Variants in MAP4 observed in about 807,000 individuals in gnomAD.
MAP4 encodes the protein microtubule-associated protein 4.
MAP4 carries 76 observed loss-of-function variants against 170.2 expected under a neutral mutation model. That is an observed-to-expected ratio of 0.45 (90% confidence interval 0.37 to 0.54). MAP4 has a LOEUF of 0.54. Among genes scored for constraint, MAP4 ranks in the 20% least tolerant of loss-of-function variants. The probability of loss-of-function intolerance (pLI) is 0.00; values close to 1 mark genes in which losing one functional copy is unlikely to be tolerated. For missense variants in MAP4, 2,506 were observed against 2,748.0 expected (o/e 0.91, Z 1.97); for synonymous variants, 909 against 994.5 (o/e 0.91, Z 1.62).
At chr3:47,973,751 A>T (rs979013425) in intron 3 of MAP4, 3 of 985,446 alleles carry the variant, frequency 3.0e-6, no homozygotes, top group Non-Finnish European at 3.6e-6. Flanking sequence ...CATGATTTTT[A>T]AAAATAACTA....
In MAP4 at chr3:47,909,857, G is replaced by A; in HGVS notation, c.4564C>T (p.His1522Tyr). The A allele has an allele frequency of 6.2e-7, 1 of 1,614,022 alleles. No homozygotes were observed. Among genetic ancestry groups the A allele is most frequent in the African/African-American group, 1.3e-5 (1 of 75,060 alleles). Residue 1522 changes from histidine (H) to tyrosine (Y), a missense_variant, in exon 9 of 21, where the codon CAT becomes TAT. Physicochemically the swap from His to Tyr is moderately conservative, Grantham distance 83. Transcript: ENST00000683076. ...TTATTCTTAAGAGAGTGATCTCCAT[G>A]AATGTTAACTGTTTCTATGGCTGTT... ...ITTAIETVNI[H>Y]GDHSLKNKAE...
intron 10 of MAP4, among the ~76,000 whole-genome samples, chr3:47,898,220 T>C (rs1254240536): frequency 6.6e-6 from 1 of 151,822 alleles, no homozygotes; most frequent in African/African-American, 2.4e-5. Context: ...TTCATTACAC[T>C]AGGCTGGGCA....
At chr3:48,011,801 C>T (rs2100105409) in intron 1 of MAP4, among the ~76,000 whole-genome samples, 1 of 152,102 alleles carries the variant, frequency 6.6e-6, no homozygotes, top group African/African-American at 2.4e-5. Context: ...TTTTACTATT[C>T]GGTTATGCCA....
At position 47,852,728 on chromosome 3, in the gene MAP4, C is replaced by T. The variant is rs376401972; in HGVS notation, c.*206G>A. On this transcript the variant is annotated 3_prime_UTR_variant, in exon 21 of 21. Transcript: ENST00000683076. ...GGCAGGGCTGCTGCTGCCCCGGGCA[C>T]GCAAAGCAGGAGGGAAGGCGAGCCT... 2,740 of 1,522,932 alleles carry T rather than the reference C, an allele frequency of 1.8e-3. 68 individuals carry two copies. The South Asian group carries it at 0.031, about 17-fold the overall frequency. The allele number at this position is 1,522,932 out of a possible 1,614,324, so 94.3% of individuals were successfully genotyped here. A position where few individuals can be genotyped will look rare whatever the true frequency, so the allele number is the denominator to read the frequency against.
chr3:47,939,516 T>C (rs898142647), intron 3 of MAP4, among the ~76,000 whole-genome samples: 4 of 152,190 alleles, frequency 2.6e-5, no homozygotes, highest in Admixed American at 1.3e-4. Flanking sequence ...ATTCACATTA[T>C]ACACCAAACT....
chr3:47,942,111 A>T (rs1411953681), intron 3 of MAP4, among the ~76,000 whole-genome samples: 2 of 152,102 alleles, frequency 1.3e-5, no homozygotes, highest in African/African-American at 4.8e-5. Flanking sequence ...CCCTCTCCCC[A>T]TTCCCTGCAG....
chr3:47,878,153 A>C (rs559649567), intron 10 of MAP4, among the ~76,000 whole-genome samples: 24 of 152,240 alleles, frequency 1.6e-4, no homozygotes, highest in Non-Finnish European at 3.2e-4. Context: ...ACTATACCTG[A>C]GAGCATTAAA....
In MAP4 at chr3:47,855,448, A is replaced by T; in HGVS notation, c.6584-88T>A. 1.2e-6 allele frequency: 1 copy of T among 811,696 alleles called. No homozygotes were observed. The highest frequency in any genetic ancestry group is 2.4e-5 in the East Asian group (1 of 41,224). 50.3% of individuals were successfully genotyped at this position (811,696 alleles called of 1,614,324 possible). A position where few individuals can be genotyped will look rare whatever the true frequency, so the allele number is the denominator to read the frequency against. Reference sequence around the variant, plus strand: ...GGACTAGCGATATGCCCAATCTAGAAATGAGACAGACGTGACCTGTTCTGG... The same window carrying T: ...GGACTAGCGATATGCCCAATCTAGATATGAGACAGACGTGACCTGTTCTGG... On this transcript the variant is annotated intron_variant, in intron 18 of 20. Transcript: ENST00000683076. The surrounding 1 kb of genome is among the most constrained non-coding windows in gnomAD (Gnocchi z 5.1).
Position 48,070,147 on chromosome 3 carries a change from CT to C in MAP4, c.-20+18625del, listed in dbSNP as rs552576386. ...ACCATGGCTAGATAATTTTTTTTAA[CT>C]TTTTTTTTTTCAGAGATGGGGTCTT... On this transcript the variant is annotated intron_variant, in intron 1 of 18. Coordinates refer to the MAP4 transcript ENST00000360240. Among the ~76,000 whole-genome samples the C allele has an allele frequency of 2.5e-3, 366 of 146,754 alleles. 4 individuals carry two copies. In the Middle Eastern group the frequency reaches 0.038, roughly 15 times the overall value.
At chr3:47,973,742 A>C (rs1184912071) in intron 3 of MAP4, 1 of 985,360 alleles carries the variant, frequency 1.0e-6, no homozygotes, top group South Asian at 4.7e-5. Flanking sequence ...GATGTCAAAC[A>C]TGATTTTTAA....
Position 47,869,296 on chromosome 3 carries a change from G to C in MAP4, c.6326C>G (p.Ala2109Gly), listed in dbSNP as rs1447696299. 6.2e-7 allele frequency: 1 copy of C among 1,613,972 alleles called. No individual in the cohort carries two copies. Among genetic ancestry groups the C allele is most frequent in the Non-Finnish European group, 8.5e-7 (1 of 1,179,960 alleles). The change falls in exon 16 of 21, where the codon GCT becomes GGT. Residue 2109 changes from alanine to glycine, a missense_variant. Around this residue, in one of 3 missense-constraint regions of MAP4, gnomAD observed 487 missense variants for 511.6 expected, o/e 0.95. Coordinates refer to ENST00000683076, the MANE Select transcript of MAP4 (RefSeq NM_001385682.1). ...AKVEKKTEAA[A>G]TTRKPESNAV... is the part of the protein sequence containing the mutation. ...ATTAGATTCAGGCTTTCGGGTTGTA[G>C]CAGCTGCCTCTGTTTTTTTCTCTAC...
intron 10 of MAP4, among the ~76,000 whole-genome samples, chr3:47,902,093 G>A (rs770604688): frequency 2.0e-5 from 3 of 152,182 alleles, no homozygotes; most frequent in Non-Finnish European, 4.4e-5. Context: ...GGTCGAGGCT[G>A]TAGTAAGCCG....
At chr3:47,874,314 A>G (rs1045765552) in intron 12 of MAP4, among the ~76,000 whole-genome samples, 3 of 151,954 alleles carry the variant, frequency 2.0e-5, no homozygotes, top group African/African-American at 4.8e-5. Context: ...CTAAAAATAC[A>G]AAAAATTAGC....
chr3:47,869,132 T>C (rs1340657322), intron 16 of MAP4, 82 bp downstream of exon 16: 1 of 1,062,544 alleles, frequency 9.4e-7, no homozygotes, highest in African/African-American at 1.6e-5. Context: ...AGGGAAAAAG[T>C]GCAAGAGAGG....
Position 47,857,588 on chromosome 3 carries a change from TCTTCTC to T in MAP4, c.6502-82_6502-77del, listed in dbSNP as rs1553720640. On this transcript the variant is annotated intron_variant, in intron 17 of 20. Coordinates refer to ENST00000683076, the MANE Select transcript of MAP4 (RefSeq NM_001385682.1). ...AGCCAACCCCATGCTACCTTTTAAA[TCTTCTC>T]CATGTTCAGGGTTTCTCGCTCCCTC... 5.8e-4 allele frequency: 579 copies of T among 990,452 alleles called. 1 individual carries two copies. The highest frequency in any genetic ancestry group is 9.4e-4 in the East Asian group (39 of 41,476). 61.4% of individuals were successfully genotyped at this position (990,452 alleles called of 1,614,324 possible).
At chr3:47,887,690 GGA>G (rs775880203) in intron 10 of MAP4, among the ~76,000 whole-genome samples, 21 of 152,360 alleles carry the variant, frequency 1.4e-4, no homozygotes, top group Middle Eastern at 3.4e-3. Flanking sequence ...GTGGGGACGT[GGA>G]GAGTCTTTAT....
At chr3:47,871,336 G>C in intron 13 of MAP4, 50 bp from the exon 14 acceptor site, 7 of 1,407,826 alleles carry the variant, frequency 5.0e-6, no homozygotes, top group Non-Finnish European at 7.1e-6. Flanking sequence ...TGACCTGTTG[G>C]ATAGTTCATC....
In MAP4 at chr3:47,910,687, C is replaced by G; in HGVS notation, c.3734G>C (p.Gly1245Ala). Residue 1245 changes from glycine to alanine, a missense_variant, in exon 9 of 21, where the codon GGG (glycine) becomes GCG (alanine). Gly to Ala is a moderately conservative substitution (Grantham distance 60). Coordinates refer to ENST00000683076, the MANE Select transcript of MAP4 (RefSeq NM_001385682.1). ...KEEILNPPFE[G>A]KDGDTGSIPH... ...AATACTACCAGTATCTCCATCCTTCCCTTCAAAAGGTGGGTTAAGGATTTC... is the reference window on the plus strand; with the variant it reads ...AATACTACCAGTATCTCCATCCTTCGCTTCAAAAGGTGGGTTAAGGATTTC... The G allele has an allele frequency of 6.5e-7, 1 of 1,536,048 alleles. No individual in the cohort carries two copies.
chr3:47,915,725 T>C lies in MAP4; in HGVS notation c.1876+226A>G, dbSNP rs190465948. 1.4e-4 allele frequency among the ~76,000 whole-genome samples: 21 copies of C among 152,300 alleles called. No homozygotes were observed. In the East Asian group the frequency reaches 1.7e-3, roughly 13 times the overall value. On this transcript the variant is annotated intron_variant, in intron 7 of 20. Transcript: ENST00000683076. ...ATGTTCTATTTTATTGCTTGACTTA[T>C]CTGCAAGAAAAACAGGACAATCAGC...
Sources: allele counts gnomAD v4.1 joint callset (sites outside exome capture counted in the v4.1 genomes callset), GRCh38; gene constraint gnomAD v4.1.1; regional missense constraint gnomAD v4.1.1; non-coding constraint Gnocchi (gnomAD v3.1); transcripts MANE v1.5; gene names NCBI Gene and HGNC (gene_info 2026-07-23, HGNC 2026-07-21).